Variants in FGGY observed in about 807,000 individuals in gnomAD.
The protein encoded by FGGY is FGGY carbohydrate kinase domain containing, also known as FGGY carbohydrate kinase domain-containing protein.
In FGGY, 72 loss-of-function variants were observed where a neutral mutation model predicts 71.3. The ratio of observed to expected loss-of-function variants is 1.01; its 90% CI spans 0.84 to 1.23. FGGY has a LOEUF of 1.23. Among genes scored for constraint, FGGY ranks in the 50% most tolerant of loss-of-function variants. The pLI is 0.00. For synonymous variants in FGGY, 251 were observed against 250.3 expected (o/e 1.00, Z -0.02); for missense variants, 668 against 682.3 (o/e 0.98, Z 0.23).
At chr1:59,444,758 A>C (rs951449691) in intron 5 of FGGY, among the ~76,000 whole-genome samples, 9 of 152,182 alleles carry the variant, frequency 5.9e-5, no homozygotes, top group Non-Finnish European at 1.2e-4. Flanking sequence ...CTAATGCCTG[A>C]TGATCTGAGG....
chr1:59,512,630 T>G (rs2094545951), intron 7 of FGGY, among the ~76,000 whole-genome samples, 191 bp downstream of exon 7: 1 of 152,208 alleles, frequency 6.6e-6, no homozygotes, highest in Non-Finnish European at 1.5e-5. Flanking sequence ...TGATAAAATT[T>G]ATTTATAATT....
chr1:59,564,927 C>A (rs1164588360), intron 8 of FGGY, among the ~76,000 whole-genome samples: 1 of 152,164 alleles, frequency 6.6e-6, no homozygotes, highest in Non-Finnish European at 1.5e-5. Context: ...CCACAAAAGA[C>A]TGCAAGTTGC....
intron 8 of FGGY, among the ~76,000 whole-genome samples, chr1:59,566,799 C>T (rs1361647052): frequency 7.1e-6 from 1 of 141,360 alleles, no homozygotes; most frequent in East Asian, 2.0e-4. Context: ...AGATAATTTA[C>T]ATACCATGAA....
At chr1:59,610,654 A>AGACAGTGGGTGCAG (rs1219626466) in intron 9 of FGGY, among the ~76,000 whole-genome samples, 1 of 152,204 alleles carries the variant, frequency 6.6e-6, no homozygotes, top group Admixed American at 6.5e-5. Context: ...GGGGCTTGTC[A>AGACAGTGGGTGCAG]GACAGTGGGT....
chr1:59,312,831 T>A (rs569014202), intron 1 of FGGY, among the ~76,000 whole-genome samples: 1 of 152,344 alleles, frequency 6.6e-6, no homozygotes, highest in Admixed American at 6.5e-5. Flanking sequence ...CTGGCTCAGT[T>A]TGGATTCTTG....
Position 59,509,742 on chromosome 1 carries a change from C to G in FGGY, c.671-2569C>G, listed in dbSNP as rs540890747. 2.0e-5 allele frequency among the ~76,000 whole-genome samples: 3 copies of G among 152,322 alleles called. No homozygotes were observed. In the South Asian group the frequency reaches 6.2e-4, roughly 32 times the overall value. ...GTCTGCATGCCCAGGACTCTCTCTG[C>G]CTCGCAGTGGTCTGCAGCCTCATGT... On this transcript the variant is annotated intron_variant, in intron 6 of 15. Transcript: ENST00000303721.
intron 6 of FGGY, among the ~76,000 whole-genome samples, chr1:59,508,418 A>G (rs1433805025): frequency 6.6e-6 from 1 of 152,254 alleles, no homozygotes; most frequent in African/African-American, 2.4e-5. Context: ...AGAACTGCAA[A>G]TGCTCAGGCA....
rs909425624 is a variant in FGGY at position 59,466,414 on chromosome 1, C to G, written c.670+9338C>G. On this transcript the variant is annotated intron_variant, in intron 6 of 15. Transcript: ENST00000303721. Reference sequence around the variant, plus strand: ...AACCATAAAAACCCTAGAAGAAAACCTAGGCAATACCATTCAGGACATAGG... The same window carrying G: ...AACCATAAAAACCCTAGAAGAAAACGTAGGCAATACCATTCAGGACATAGG... Among the ~76,000 whole-genome samples, 3 of 152,080 alleles carry G rather than the reference C, an allele frequency of 2.0e-5. No individual in the cohort carries two copies. The East Asian group carries it at 5.8e-4, about 29-fold the overall frequency.
chr1:59,632,909 C>T (rs1294161097), intron 10 of FGGY, among the ~76,000 whole-genome samples: 1 of 152,176 alleles, frequency 6.6e-6, no homozygotes, highest in Non-Finnish European at 1.5e-5. Flanking sequence ...CTTTCATTCC[C>T]CCATGGTATA....
chr1:59,350,250 TA>T (rs370280974), intron 4 of FGGY, among the ~76,000 whole-genome samples: 124 of 152,172 alleles, frequency 8.1e-4, no homozygotes, highest in African/African-American at 2.9e-3. Context: ...CTGGGGACAA[TA>T]AGGACTCAAC....
chr1:59,326,921 TA>T (rs1411937775), intron 2 of FGGY, among the ~76,000 whole-genome samples: 1 of 152,212 alleles, frequency 6.6e-6, no homozygotes, highest in Non-Finnish European at 1.5e-5. Flanking sequence ...TGCAGTCTAT[TA>T]AATGTGTAAT....
intron 6 of FGGY, among the ~76,000 whole-genome samples, chr1:59,475,944 A>T (rs535827140): frequency 1.3e-5 from 2 of 152,104 alleles, no homozygotes; most frequent in African/African-American, 4.8e-5. Flanking sequence ...GAAAAAAATA[A>T]CTCCTTGCCA....
At chr1:59,355,205 A>G (rs555315401) in intron 4 of FGGY, among the ~76,000 whole-genome samples, 97 of 152,242 alleles carry the variant, frequency 6.4e-4, no homozygotes, top group African/African-American at 2.3e-3. Flanking sequence ...TATAGCAACA[A>G]CAAACTTCAT....
chr1:59,334,253 C>T (rs986866246), intron 2 of FGGY, among the ~76,000 whole-genome samples: 1 of 152,124 alleles, frequency 6.6e-6, no homozygotes, highest in African/African-American at 2.4e-5. Context: ...AGCAGTTCTC[C>T]TGCCTCAGCC....
chr1:59,394,101 G>A (rs2061028023), intron 5 of FGGY, among the ~76,000 whole-genome samples: 1 of 152,174 alleles, frequency 6.6e-6, no homozygotes, highest in African/African-American at 2.4e-5. Flanking sequence ...TGCCTTGGAA[G>A]GGCCAGTATT....
Position 59,489,332 on chromosome 1 carries a change from G to T in FGGY, c.671-22979G>T, listed in dbSNP as rs182305016. On this transcript the variant is annotated intron_variant, in intron 6 of 15. Coordinates refer to ENST00000303721, the MANE Select transcript of FGGY (RefSeq NM_018291.5). ...TAGAACTTATTACTCGCATCTAGCTGTAATTTTGTGTTTTTTAATAAATCT... is the reference window on the plus strand; with the variant it reads ...TAGAACTTATTACTCGCATCTAGCTTTAATTTTGTGTTTTTTAATAAATCT... Among the ~76,000 whole-genome samples, 163 of 152,168 alleles carry T rather than the reference G, an allele frequency of 1.1e-3. 2 individuals carry two copies. The highest frequency in any genetic ancestry group is 1.7e-3 in the East Asian group (9 of 5,186).
In FGGY at chr1:59,346,243, C is replaced by T. The variant is rs1194201773; in HGVS notation, c.314-4C>T. 5.6e-6 allele frequency: 9 copies of T among 1,612,736 alleles called. No homozygotes were observed. Among genetic ancestry groups the T allele is most frequent in the Non-Finnish European group, 7.6e-6 (9 of 1,179,574 alleles). ...CATCTGCATCTCCCTCTCGTTTCTG[C>T]TAGGGGATTCCCATCGAAACGTCAT... is the stretch of plus-strand genomic sequence containing the variant. On this transcript the variant is annotated splice_region_variant and splice_polypyrimidine_tract_variant and intron_variant, in intron 3 of 15. Coordinates refer to ENST00000303721, the MANE Select transcript of FGGY (RefSeq NM_018291.5).
rs142638637 is a variant in FGGY, at chr1:59,554,182, G to T, written c.858G>T (p.Thr286=). 2.5e-6 allele frequency: 4 copies of T among 1,613,626 alleles called. No homozygotes were observed. In the East Asian group the frequency reaches 8.9e-5, roughly 36 times the overall value. Residue 286 remains threonine, a synonymous_variant, in exon 8 of 16, where the codon ACG becomes ACT. Transcript: ENST00000303721. ...TCATCTGTGAGGGGCAGCCAGTGAC[G>T]TCACGGCTGGCTGTCATCTGTGGAA... The part of the protein sequence containing the change: ...HGLICEGQPV[T]SRLAVICGTS...
intron 9 of FGGY, among the ~76,000 whole-genome samples, chr1:59,609,219 A>G (rs2096652112): frequency 6.6e-6 from 1 of 152,250 alleles, no homozygotes; most frequent in South Asian, 2.1e-4. Context: ...GGCACAAACT[A>G]TTCTTAGAAA....
Sources: gnomAD v4.1 joint callset for allele counts (sites outside exome capture counted in the v4.1 genomes callset) on GRCh38, gnomAD v4.1.1 for gene constraint, MANE v1.5 for transcripts, NCBI Gene and HGNC (gene_info 2026-07-23, HGNC 2026-07-21) for gene names.